Variants in CAMK1D observed in about 807,000 individuals in gnomAD.
CAMK1D encodes calcium/calmodulin dependent protein kinase ID.
CAMK1D carries 9 observed loss-of-function variants against 47.7 expected under a neutral mutation model. That is an observed-to-expected ratio of 0.19 (90% CI 0.11 to 0.33). The LOEUF (loss-of-function observed/expected upper bound fraction) is 0.33. Ranked by LOEUF, CAMK1D falls within the 10% of genes least tolerant of loss-of-function variation. CAMK1D has a pLI of 1.00. For missense variants in CAMK1D, 291 were observed against 488.7 expected (o/e 0.60, Z 3.81); for synonymous variants, 184 against 184.9 (o/e 0.99, Z 0.04).
At chr10:12,588,787 TATACACACAC>T (rs1271399480) in intron 2 of CAMK1D, among the ~76,000 whole-genome samples, 1 of 149,722 alleles carries the variant, frequency 6.7e-6, no homozygotes, top group Non-Finnish European at 1.5e-5. Context: ...TGTATATATA[TATACACACAC>T]ACACACACAC....
At chr10:12,525,478 G>A (rs1030234655) in intron 1 of CAMK1D, among the ~76,000 whole-genome samples, 5 of 151,760 alleles carry the variant, frequency 3.3e-5, no homozygotes. Flanking sequence ...GAGTCATTTT[G>A]TTGTCATCTA....
intron 2 of CAMK1D, among the ~76,000 whole-genome samples, chr10:12,559,132 ACT>A (rs1254364184): frequency 6.6e-6 from 1 of 151,724 alleles, no homozygotes; most frequent in African/African-American, 2.4e-5. Context: ...TCATAGTGAG[ACT>A]CTGTCTCTAT....
chr10:12,480,215 C>T (rs766023851), intron 1 of CAMK1D, among the ~76,000 whole-genome samples: 10 of 151,964 alleles, frequency 6.6e-5, no homozygotes, highest in Non-Finnish European at 1.2e-4. Flanking sequence ...TTCGGGAGGC[C>T]GAGATGGGTG....
At position 12,824,472 on chromosome 10, in the gene CAMK1D, G is replaced by C; in HGVS notation, c.841G>C (p.Gly281Arg). The change falls in exon 9 of 11, where the codon GGT (glycine) becomes CGT (arginine). Residue 281 changes from glycine (G) to arginine (R), a missense_variant. Physicochemically the swap from Gly to Arg is moderately radical, Grantham distance 125. This residue lies in a region of CAMK1D where 219 missense variants were observed against 424.3 expected (regional missense o/e 0.52). Coordinates refer to ENST00000619168, the MANE Select transcript of CAMK1D (RefSeq NM_153498.4). ...CCTTTGCCTCTGTTTCAGGATCGCT[G>C]GTGACACAGCCCTCAACAAAAACAT... ...EQAARHPWIA[G>R]DTALNKNIHE... 6.2e-7 allele frequency: 1 copy of C among 1,614,040 alleles called. No homozygotes were observed. Among genetic ancestry groups the C allele is most frequent in the Non-Finnish European group, 8.5e-7 (1 of 1,179,954 alleles).
chr10:12,712,832 C>T (rs1213036042), intron 3 of CAMK1D, among the ~76,000 whole-genome samples: 3 of 152,118 alleles, frequency 2.0e-5, no homozygotes, highest in African/African-American at 7.2e-5. Flanking sequence ...CCCCCGCCTA[C>T]ACACACACCC....
intron 4 of CAMK1D, 101 bp from the exon 5 acceptor site, chr10:12,769,572 C>T (rs529831902): frequency 9.7e-6 from 13 of 1,333,650 alleles, no homozygotes; most frequent in East Asian, 2.5e-5. Context: ...AGGTCAAGGA[C>T]GTCCTGACGT....
intron 3 of CAMK1D, among the ~76,000 whole-genome samples, chr10:12,739,578 C>T (rs903202368): frequency 2.6e-5 from 4 of 151,708 alleles, no homozygotes; most frequent in East Asian, 1.9e-4. Context: ...AGTGAGCCAC[C>T]GCACCCGGCT....
At chr10:12,817,119 C>T (rs183663666) in intron 8 of CAMK1D, among the ~76,000 whole-genome samples, 18 of 152,280 alleles carry the variant, frequency 1.2e-4, no homozygotes, top group Admixed American at 4.6e-4. Context: ...GAGAACAGCA[C>T]GGGAAAGACT....
At chr10:12,378,814 C>CTTTTTTTTTTTTTTTTTT in intron 1 of CAMK1D, among the ~76,000 whole-genome samples, 1 of 122,814 alleles carries the variant, frequency 8.1e-6, no homozygotes, top group Non-Finnish European at 1.7e-5. Context: ...TTTTTCTTTT[C>CTTTTTTTTTTTTTTTTTT]TTTTTTTTTT....
At chr10:12,818,392 C>T (rs2431628) in intron 8 of CAMK1D, among the ~76,000 whole-genome samples, 50,143 of 152,014 alleles carry the variant, frequency 0.33, 8,804 homozygotes, top group East Asian at 0.55. Flanking sequence ...GAGAGATGGC[C>T]GGGAGTGGTG....
chr10:12,587,012 G>A (rs777944047), intron 2 of CAMK1D, among the ~76,000 whole-genome samples: 2 of 152,128 alleles, frequency 1.3e-5, no homozygotes, highest in Non-Finnish European at 2.9e-5. Context: ...TGGGGACCAT[G>A]GTTGTGTTTT....
At chr10:12,734,548 ATG>A (rs1835091518) in intron 3 of CAMK1D, among the ~76,000 whole-genome samples, 3 of 147,948 alleles carry the variant, frequency 2.0e-5, no homozygotes, top group African/African-American at 7.6e-5. Flanking sequence ...ATATGTATAT[ATG>A]TATATATATA....
chr10:12,805,343 A>G (rs1208609487), intron 6 of CAMK1D, among the ~76,000 whole-genome samples: 4 of 151,000 alleles, frequency 2.6e-5, no homozygotes, highest in African/African-American at 7.3e-5. Flanking sequence ...AATCATGATA[A>G]TAAGCCATAA....
chr10:12,761,608 G>C (rs1836511344), intron 4 of CAMK1D, among the ~76,000 whole-genome samples: 2 of 152,182 alleles, frequency 1.3e-5, no homozygotes, highest in South Asian at 4.1e-4. Flanking sequence ...GCTATGACTG[G>C]CTGGGCGTGG....
chr10:12,427,700 G>GTTT (rs768000055), intron 1 of CAMK1D, among the ~76,000 whole-genome samples: 642 of 30,984 alleles, frequency 0.021, 113 homozygotes, highest in Middle Eastern at 0.036. Flanking sequence ...TGAACTTACT[G>GTTT]TTTTTTTTTT....
intron 2 of CAMK1D, among the ~76,000 whole-genome samples, chr10:12,609,148 G>T (rs1838551160): frequency 6.6e-6 from 1 of 152,208 alleles, no homozygotes; most frequent in African/African-American, 2.4e-5. Flanking sequence ...AGACCGTGTG[G>T]GTCAGGGAGG....
intron 1 of CAMK1D, among the ~76,000 whole-genome samples, chr10:12,433,776 C>G (rs557272823): frequency 7.9e-5 from 12 of 152,372 alleles, no homozygotes; most frequent in African/African-American, 2.9e-4. Flanking sequence ...TGCCCCTGGG[C>G]ATCACTCAGC....
intron 5 of CAMK1D, among the ~76,000 whole-genome samples, chr10:12,777,275 C>A (rs955553759): frequency 3.3e-5 from 5 of 151,852 alleles, no homozygotes; most frequent in Non-Finnish European, 2.9e-5. Context: ...GGCGTGCTCC[C>A]CGTCAGACAT....
At chr10:12,723,544 C>T (rs1344146656) in intron 3 of CAMK1D, among the ~76,000 whole-genome samples, 1 of 152,132 alleles carries the variant, frequency 6.6e-6, no homozygotes. Context: ...CAATATGGTA[C>T]AGATGAACAT....
Sources: gnomAD v4.1 joint callset for allele counts (sites outside exome capture counted in the v4.1 genomes callset) on GRCh38, gnomAD v4.1.1 for gene constraint, gnomAD v4.1.1 regional missense constraint, MANE v1.5 for transcripts, NCBI Gene and HGNC (gene_info 2026-07-23, HGNC 2026-07-21) for gene names.